PTPN6: variants seen among roughly 807,000 people sequenced by gnomAD.
PTPN6 encodes protein tyrosine phosphatase non-receptor type 6.
A neutral mutation model predicts 81.5 loss-of-function variants in PTPN6; 18 were observed. That is an observed-to-expected ratio of 0.22 (90% CI 0.15 to 0.33). The LOEUF is 0.33. Ranked by LOEUF, PTPN6 falls within the 10% of genes least tolerant of loss-of-function variation. The pLI, the probability that PTPN6 is intolerant of heterozygous loss-of-function variation, is 1.00. For synonymous variants in PTPN6, 301 were observed against 310.9 expected (o/e 0.97, Z 0.33); for missense variants, 500 against 794.2 (o/e 0.63, Z 4.45).
At position 6,951,806 on chromosome 12, in the gene PTPN6, T is replaced by C; in HGVS notation, c.131+75T>C. On this transcript the variant is annotated intron_variant, in intron 2 of 15. Coordinates refer to ENST00000318974, the MANE Select transcript of PTPN6 (RefSeq NM_002831.6). The surrounding 1 kb of genome is among the most constrained non-coding windows in gnomAD (Gnocchi z 7.2). ...ATCCAGGCCCTGAACCACTCATTCC[T>C]GGTTCCCCGTGGCAGTGCTGACTCC... 6.2e-7 allele frequency: 1 copy of C among 1,600,480 alleles called. No individual in the cohort carries two copies. Among genetic ancestry groups the C allele is most frequent in the African/African-American group, 1.3e-5 (1 of 74,906 alleles).
upstream of PTPN6, chr12:6,946,873 A>G (rs1945829452): frequency 1.3e-5 from 13 of 997,428 alleles, no homozygotes; most frequent in South Asian, 1.5e-4. Context: ...TCCGGTCCCT[A>G]TGAACTTCCC....
chr12:6,960,536 T>G lies in PTPN6; in HGVS notation c.1673+101T>G. On this transcript the variant is annotated intron_variant, in intron 14 of 15. Transcript: ENST00000318974. The surrounding 1 kb of genome is among the most constrained non-coding windows in gnomAD (Gnocchi z 6.1). ...GACAAGTGTTGCAGCTGGGGGGACC[T>G]GGCTTCAAGTTCAGGCTTGGTTCTC... 6.9e-7 allele frequency: 1 copy of G among 1,448,632 alleles called. No homozygotes were observed. Among genetic ancestry groups the G allele is most frequent in the Non-Finnish European group, 9.5e-7 (1 of 1,053,376 alleles). 89.7% of individuals were successfully genotyped at this position (1,448,632 alleles called of 1,614,324 possible). A position where few individuals can be genotyped will look rare whatever the true frequency, so the allele number is the denominator to read the frequency against.
In PTPN6 at chr12:6,955,311, C is replaced by T. The variant is rs781954634; in HGVS notation, c.633+44C>T. ...TGCCTCCCCACTTCCCCTGAGCTGTCCCCCAGATGTGAGCTTCTGGGATCT... is the reference window on the plus strand; with the variant it reads ...TGCCTCCCCACTTCCCCTGAGCTGTTCCCCAGATGTGAGCTTCTGGGATCT... On this transcript the variant is annotated intron_variant, in intron 5 of 15. Transcript: ENST00000318974. The surrounding 1 kb of genome is among the most constrained non-coding windows in gnomAD (Gnocchi z 7.2). 1 of 1,609,732 alleles carries T rather than the reference C, an allele frequency of 6.2e-7. No homozygotes were observed. Among genetic ancestry groups the T allele is most frequent in the African/African-American group, 1.3e-5 (1 of 74,930 alleles).
In PTPN6 at chr12:6,951,626, T is replaced by C; in HGVS notation, c.26T>C (p.Leu9Pro). MVRWFHRD[L>P]SGLDAETLLK... ...CCGCCCAGGTGGTTTCACCGAGACC[T>C]CAGTGGGCTGGATGCAGAGACCCTG... Residue 9 changes from leucine to proline, a missense_variant, in exon 2 of 16, where the codon CTC (leucine) becomes CCC (proline). This residue lies in a region of PTPN6 where 98 missense variants were observed against 199.2 expected (regional missense o/e 0.49). Transcript: ENST00000318974. The surrounding 1 kb of genome is among the most constrained non-coding windows in gnomAD (Gnocchi z 7.2). The C allele has an allele frequency of 1.2e-6, 2 of 1,613,662 alleles. No homozygotes were observed. Among genetic ancestry groups the C allele is most frequent in the Non-Finnish European group, 1.7e-6 (2 of 1,179,892 alleles).
chr12:6,961,074 C>A, intron 15 of PTPN6, 52 bp from the exon 16 acceptor site: 1 of 1,423,270 alleles, frequency 7.0e-7, no homozygotes, highest in East Asian at 2.5e-5. Context: ...CCTCTTGTTC[C>A]ACCTCCAGGT....
At chr12:6,948,545 GAAAGAAAGA>G (rs1555147186), upstream of PTPN6, among the ~76,000 whole-genome samples, 4 of 143,282 alleles carry the variant, frequency 2.8e-5, no homozygotes, top group Non-Finnish European at 6.1e-5. Flanking sequence ...AGGAAGGAAG[GAAAGAAAGA>G]AAAGAAAGGA....
rs372692698 is a variant in PTPN6, at chr12:6,960,061, C to T, written c.1430-27C>T. 1.4e-4 allele frequency: 228 copies of T among 1,613,202 alleles called. No homozygotes were observed. The Middle Eastern group carries it at 1.5e-3, about 10-fold the overall frequency. On this transcript the variant is annotated intron_variant, in intron 12 of 15. Coordinates refer to ENST00000318974, the MANE Select transcript of PTPN6 (RefSeq NM_002831.6). This position sits in a 1 kb window ranked among gnomAD's most constrained non-coding sequence, Gnocchi z 6.1. Reference sequence around the variant, plus strand: ...CCCTCGGTGTCCGCCTATGCCTGGACCTGAGGTTTGACTGCCCCCCACCCA... The same window carrying T: ...CCCTCGGTGTCCGCCTATGCCTGGATCTGAGGTTTGACTGCCCCCCACCCA...
intron 3 of PTPN6, chr12:6,953,635 G>A (rs1555148105): frequency 1.3e-5 from 2 of 152,592 alleles, no homozygotes; most frequent in African/African-American, 2.4e-5. Flanking sequence ...CCTCCTCTGC[G>A]AGAATTTGCA....
upstream of PTPN6, chr12:6,951,259 T>G (rs1945918033): frequency 5.6e-6 from 8 of 1,438,696 alleles, no homozygotes; most frequent in Non-Finnish European, 7.3e-6. The surrounding 1 kb of genome is among the most constrained non-coding windows in gnomAD (Gnocchi z 7.2). Flanking sequence ...TCTGCTTCTC[T>G]TCCCTTGCTG....
In PTPN6 at chr12:6,956,434, C is replaced by G. The variant is rs1555148698; in HGVS notation, c.940C>G (p.Pro314Ala). 2 of 1,614,138 alleles carry G rather than the reference C, an allele frequency of 1.2e-6. No individual in the cohort carries two copies. The highest frequency in any genetic ancestry group is 8.5e-7 in the Non-Finnish European group (1 of 1,180,018). Residue 314 changes from proline (P) to alanine (A), a missense_variant, in exon 9 of 16, where the codon CCT (proline) becomes GCT (alanine). Pro to Ala is a conservative substitution (Grantham distance 27, BLOSUM62 -1). Coordinates refer to ENST00000318974, the MANE Select transcript of PTPN6 (RefSeq NM_002831.6). This position sits in a 1 kb window ranked among gnomAD's most constrained non-coding sequence, Gnocchi z 4.1. The stretch of plus-strand genomic sequence containing the variant: ...TTGCGTCCAGAACCAGCTGCTAGGC[C>G]CTGATGAGAACGCTAAGACCTACAT... ...ANYIKNQLLGPDENAKTYIAS... is the reference protein window; with the variant it reads ...ANYIKNQLLGADENAKTYIAS...
rs782158849 is a variant in PTPN6, at chr12:6,951,643, G to A, written c.43G>A (p.Glu15Lys). ...CCGAGACCTCAGTGGGCTGGATGCA[G>A]AGACCCTGCTCAAGGGCCGAGGTGT... ...FHRDLSGLDAETLLKGRGVHG... is the reference protein window; with the variant it reads ...FHRDLSGLDAKTLLKGRGVHG... The change falls in exon 2 of 16, where the codon GAG becomes AAG. Residue 15 changes from glutamate to lysine, a missense_variant. Physicochemically the swap from Glu to Lys is moderately conservative, Grantham distance 56. Coordinates refer to ENST00000318974, the MANE Select transcript of PTPN6 (RefSeq NM_002831.6). This position sits in a 1 kb window ranked among gnomAD's most constrained non-coding sequence, Gnocchi z 7.2. 1 of 1,613,706 alleles carries A rather than the reference G, an allele frequency of 6.2e-7. No homozygotes were observed. The highest frequency in any genetic ancestry group is 8.5e-7 in the Non-Finnish European group (1 of 1,179,960).
In PTPN6 at chr12:6,958,091, G is replaced by A. The variant is rs782780121; in HGVS notation, c.1361+18G>A. The A allele has an allele frequency of 1.3e-5, 21 of 1,607,478 alleles. No individual in the cohort carries two copies. The highest frequency in any genetic ancestry group is 8.5e-7 in the Non-Finnish European group (1 of 1,179,898). On this transcript the variant is annotated intron_variant, in intron 11 of 15. Coordinates refer to ENST00000318974, the MANE Select transcript of PTPN6 (RefSeq NM_002831.6). ...CACTGCAGGTGAGGATGATAATCCT[G>A]ATGGTAGTAGTGACAGCTGAGAAGT... is the stretch of plus-strand genomic sequence containing the variant.
upstream of PTPN6, chr12:6,946,623 C>T (rs1177198613): frequency 7.6e-6 from 7 of 919,206 alleles, no homozygotes; most frequent in Admixed American, 3.7e-5. Context: ...GATTACTGAG[C>T]GGTTCTTCCT....
Position 6,951,577 on chromosome 12 carries a change from C to T in PTPN6, c.9-32C>T, listed in dbSNP as rs924528361. On this transcript the variant is annotated intron_variant, in intron 1 of 15. Transcript: ENST00000318974. The surrounding 1 kb of genome is among the most constrained non-coding windows in gnomAD (Gnocchi z 7.2). ...GCAAGGGTGCCTGGTGCCCACGGGA[C>T]CCCTCCTCACTGCCCTGCCTGGGCC... is the stretch of plus-strand genomic sequence containing the variant. 4.3e-6 allele frequency: 7 copies of T among 1,613,666 alleles called. No homozygotes were observed. In the Admixed American group the frequency reaches 6.7e-5, roughly 15 times the overall value.
Position 6,957,813 on chromosome 12 carries a change from T to G in PTPN6, c.1206+28T>G. The stretch of plus-strand genomic sequence containing the variant: ...GAGTGGCCCCCACGCCCTGCCCCAT[T>G]CCGGGAGTCCCTCCCTGGACTTGTT... On this transcript the variant is annotated intron_variant, in intron 10 of 15. Transcript: ENST00000318974. This position sits in a 1 kb window ranked among gnomAD's most constrained non-coding sequence, Gnocchi z 6.5. 6.2e-7 allele frequency: 1 copy of G among 1,614,090 alleles called. No individual in the cohort carries two copies. Among genetic ancestry groups the G allele is most frequent in the South Asian group, 1.1e-5 (1 of 91,088 alleles).
At position 6,957,838 on chromosome 12, in the gene PTPN6, TCTC is replaced by T. The variant is rs1946059370; in HGVS notation, c.1206+57_1206+59del. The T allele has an allele frequency of 6.8e-6, 11 of 1,613,994 alleles. No individual in the cohort carries two copies. The Admixed American group carries it at 1.0e-4, about 15-fold the overall frequency. ...TCCGGGAGTCCCTCCCTGGACTTGT[TCTC>T]CTCTCTGGTCGGGTAGGGTGAGATG... is the stretch of plus-strand genomic sequence containing the variant. On this transcript the variant is annotated intron_variant, in intron 10 of 15. Coordinates refer to ENST00000318974, the MANE Select transcript of PTPN6 (RefSeq NM_002831.6). This position sits in a 1 kb window ranked among gnomAD's most constrained non-coding sequence, Gnocchi z 6.5.
intron 3 of PTPN6, chr12:6,953,282 G>C (rs1289007153): frequency 6.6e-6 from 1 of 152,026 alleles, no homozygotes; most frequent in Non-Finnish European, 1.5e-5. Flanking sequence ...GCAACACTCA[G>C]GGGGCTTTTG....
Position 6,960,590 on chromosome 12 carries a change from G to C in PTPN6, c.1673+155G>C. 6.9e-7 allele frequency: 1 copy of C among 1,447,422 alleles called. No homozygotes were observed. Among genetic ancestry groups the C allele is most frequent in the South Asian group, 1.2e-5 (1 of 81,986 alleles). The allele number at this position is 1,447,422 out of a possible 1,614,324, so 89.7% of individuals were successfully genotyped here. A position where few individuals can be genotyped will look rare whatever the true frequency, so the allele number is the denominator to read the frequency against. The stretch of plus-strand genomic sequence containing the variant: ...CCTTCTGTTCATAAGCATTTCCTGA[G>C]TGCCCACACGTGTGGGCCTCTGCTA... On this transcript the variant is annotated intron_variant, in intron 14 of 15. Coordinates refer to ENST00000318974, the MANE Select transcript of PTPN6 (RefSeq NM_002831.6). This position sits in a 1 kb window ranked among gnomAD's most constrained non-coding sequence, Gnocchi z 6.1.
At chr12:6,946,634 C>A, upstream of PTPN6, 2 of 1,087,302 alleles carry the variant, frequency 1.8e-6, no homozygotes, top group Non-Finnish European at 2.8e-6. Context: ...GGTTCTTCCT[C>A]ACCTGGCTTG....
Sources: gnomAD v4.1 joint callset for allele counts (sites outside exome capture counted in the v4.1 genomes callset) on GRCh38, gnomAD v4.1.1 for gene constraint, gnomAD v4.1.1 regional missense constraint, Gnocchi (gnomAD v3.1) non-coding constraint, MANE v1.5 for transcripts, NCBI Gene and HGNC (gene_info 2026-07-23, HGNC 2026-07-21) for gene names.